Variants in UNC79 observed in about 807,000 individuals in gnomAD.
UNC79 encodes unc-79 subunit of NALCN channel complex, also known as protein unc-79 homolog.
A neutral mutation model predicts 283.1 loss-of-function variants in UNC79; 37 were observed. The ratio of observed to expected loss-of-function variants is 0.13; its 90% CI spans 0.10 to 0.17. The LOEUF (loss-of-function observed/expected upper bound fraction) is 0.17, where lower values mean the gene tolerates loss of function less well. Among genes scored for constraint, UNC79 ranks in the 10% least tolerant of loss-of-function variants. UNC79 has a pLI of 1.00. For missense variants in UNC79, 2,272 were observed against 3,211.1 expected (o/e 0.71, Z 7.07); for synonymous variants, 1,107 against 1,200.2 (o/e 0.92, Z 1.61).
At chr14:93,697,401 G>A (rs1487074394) in intron 47 of UNC79, among the ~76,000 whole-genome samples, 1 of 152,142 alleles carries the variant, frequency 6.6e-6, no homozygotes, top group African/African-American at 2.4e-5. Context: ...CTCCCAAAGT[G>A]CTGAGATTAT....
At chr14:93,458,331 TAAG>T (rs1362856213) in intron 1 of UNC79, among the ~76,000 whole-genome samples, 10 of 152,248 alleles carry the variant, frequency 6.6e-5, no homozygotes, top group African/African-American at 2.4e-4. Context: ...AACAAACAAA[TAAG>T]AACTCCTGAG....
At chr14:93,568,832 T>C (rs2063054639) in intron 14 of UNC79, among the ~76,000 whole-genome samples, 1 of 152,246 alleles carries the variant, frequency 6.6e-6, no homozygotes, top group Non-Finnish European at 1.5e-5. Context: ...GGGCTAATGC[T>C]TTTTATTGAT....
Position 93,507,927 on chromosome 14 carries a change from T to A in UNC79, c.898+10641T>A, listed in dbSNP as rs151250521. On this transcript the variant is annotated intron_variant, in intron 7 of 48. Transcript: ENST00000555664. ...ATGATTTATATTTCCTTATTTCCAG[T>A]GCCCTTTGTTGAAAAGATTATTTTC... Among the ~76,000 whole-genome samples the A allele has an allele frequency of 2.7e-3, 413 of 152,280 alleles. 1 individual carries two copies. Among genetic ancestry groups the A allele is most frequent in the African/African-American group, 9.4e-3 (391 of 41,576 alleles).
chr14:93,570,713 C>T (rs1214380760), intron 14 of UNC79, among the ~76,000 whole-genome samples: 1 of 152,146 alleles, frequency 6.6e-6, no homozygotes, highest in Non-Finnish European at 1.5e-5. Flanking sequence ...GTAATTAGGA[C>T]ATTTGCTTAG....
chr14:93,682,045 C>T (rs186745602), intron 41 of UNC79, among the ~76,000 whole-genome samples: 3 of 152,280 alleles, frequency 2.0e-5, no homozygotes, highest in South Asian at 2.1e-4. Context: ...TGCAGTCTGA[C>T]GTGGTGACTG....
At chr14:93,700,729 C>A (rs2075465922) in intron 47 of UNC79, among the ~76,000 whole-genome samples, 1 of 152,118 alleles carries the variant, frequency 6.6e-6, no homozygotes, top group Admixed American at 6.5e-5. Context: ...ATCAGAGCAG[C>A]AATTTTTGTA....
chr14:93,384,060 T>G (rs1453747797), intron 1 of UNC79, among the ~76,000 whole-genome samples: 1 of 152,190 alleles, frequency 6.6e-6, no homozygotes, highest in Non-Finnish European at 1.5e-5. Context: ...GGGTATGCAT[T>G]TATCAGCAGC....
At position 93,496,480 on chromosome 14, in the gene UNC79, CA is replaced by C. The variant is rs773583882; in HGVS notation, c.768+17del. 14 of 1,520,142 alleles carry C rather than the reference CA, an allele frequency of 9.2e-6. No homozygotes were observed. Among genetic ancestry groups the C allele is most frequent in the Non-Finnish European group, 1.2e-5 (14 of 1,138,420 alleles). 94.2% of individuals were successfully genotyped at this position (1,520,142 alleles called of 1,614,324 possible). On this transcript the variant is annotated intron_variant, in intron 6 of 48. Transcript: ENST00000555664. ...GAAGTCTGGAAAGTAAGTTTTGGGTCAAATTTAACCCATAGTCACAAACTTA... is the reference window on the plus strand; with the variant it reads ...GAAGTCTGGAAAGTAAGTTTTGGGTCAATTTAACCCATAGTCACAAACTTA...
At chr14:93,555,611 C>T (rs2062134651) in intron 14 of UNC79, among the ~76,000 whole-genome samples, 1 of 152,080 alleles carries the variant, frequency 6.6e-6, no homozygotes, top group Non-Finnish European at 1.5e-5. Flanking sequence ...ACCATGTTGA[C>T]CAGACTGGTC....
intron 4 of UNC79, among the ~76,000 whole-genome samples, chr14:93,484,461 CATA>C (rs1293058774): frequency 6.6e-6 from 1 of 152,096 alleles, no homozygotes; most frequent in African/African-American, 2.4e-5. Context: ...AAGAGCTGTA[CATA>C]ATAATATATT....
At chr14:93,501,198 G>C (rs1374666820) in intron 7 of UNC79, among the ~76,000 whole-genome samples, 1 of 152,078 alleles carries the variant, frequency 6.6e-6, no homozygotes, top group African/African-American at 2.4e-5. Flanking sequence ...GGTGGTGCAC[G>C]CCTGTGATCC....
intron 14 of UNC79, among the ~76,000 whole-genome samples, chr14:93,556,221 C>CAT (rs1255949634): frequency 6.6e-6 from 1 of 152,120 alleles, no homozygotes; most frequent in Non-Finnish European, 1.5e-5. Flanking sequence ...GTAATCAGCC[C>CAT]ATCCCCCATT....
chr14:93,481,557 T>A (rs781742371), intron 4 of UNC79, among the ~76,000 whole-genome samples: 3 of 152,160 alleles, frequency 2.0e-5, no homozygotes, highest in Non-Finnish European at 2.9e-5. Context: ...GACTATGCGG[T>A]CTCATCTAGT....
At chr14:93,668,280 C>T (rs2072438189) in intron 40 of UNC79, among the ~76,000 whole-genome samples, 1 of 152,150 alleles carries the variant, frequency 6.6e-6, no homozygotes, top group Non-Finnish European at 1.5e-5. Flanking sequence ...TTTTTAGAAC[C>T]TACAAGAGAG....
rs1011718598 is a variant in UNC79, at chr14:93,565,145, G to A, written c.1756-6749G>A. Among the ~76,000 whole-genome samples the A allele has an allele frequency of 3.9e-5, 6 of 152,170 alleles. No homozygotes were observed. In the South Asian group the frequency reaches 1.2e-3, roughly 32 times the overall value. Reference sequence around the variant, plus strand: ...CAGCAATCAATTTATCCCCTAGTGCGCAAGTCCCTCCCCCGGTTCCTGTAG... The same window carrying A: ...CAGCAATCAATTTATCCCCTAGTGCACAAGTCCCTCCCCCGGTTCCTGTAG... On this transcript the variant is annotated intron_variant, in intron 14 of 48. Coordinates refer to ENST00000555664, the Ensembl canonical transcript of UNC79.
chr14:93,640,253 G>A (rs1450997018), intron 32 of UNC79, among the ~76,000 whole-genome samples: 1 of 152,074 alleles, frequency 6.6e-6, no homozygotes, highest in Non-Finnish European at 1.5e-5. Flanking sequence ...TAAACACCGT[G>A]GTATCGATTG....
chr14:93,582,696 A>G (rs1464855060), intron 20 of UNC79, among the ~76,000 whole-genome samples: 1 of 152,200 alleles, frequency 6.6e-6, no homozygotes, highest in Non-Finnish European at 1.5e-5. Context: ...GAATAGAAGC[A>G]GTGGGGCTCT....
Position 93,455,365 on chromosome 14 carries a change from A to T in UNC79, c.23-12306A>T, listed in dbSNP as rs894242484. Among the ~76,000 whole-genome samples the T allele has an allele frequency of 8.5e-5, 13 of 152,108 alleles. 1 individual carries two copies. The highest frequency in any genetic ancestry group is 2.9e-5 in the Non-Finnish European group (2 of 68,036). On this transcript the variant is annotated intron_variant, in intron 1 of 48. Transcript: ENST00000555664. ...TGTTCTCTCCACATCTCCATTTCTG[A>T]ATATATCTTTTTTATTTGCTGCATT...
intron 47 of UNC79, among the ~76,000 whole-genome samples, chr14:93,698,258 C>G (rs1229735771): frequency 6.6e-6 from 1 of 152,038 alleles, no homozygotes; most frequent in Non-Finnish European, 1.5e-5. Context: ...TTGTATTGCT[C>G]AAGTCTTCTA....
Sources: allele counts gnomAD v4.1 joint callset (sites outside exome capture counted in the v4.1 genomes callset), GRCh38; gene constraint gnomAD v4.1.1; transcripts MANE v1.5; gene names NCBI Gene and HGNC (gene_info 2026-07-23, HGNC 2026-07-21).